Variants in NAALADL2 observed in about 807,000 individuals in gnomAD.
NAALADL2 encodes the protein N-acetylated alpha-linked acidic dipeptidase like 2.
In NAALADL2, 76 loss-of-function variants were observed where a neutral mutation model predicts 87.2. That is an observed-to-expected ratio of 0.87 (90% CI 0.72 to 1.05). The LOEUF (loss-of-function observed/expected upper bound fraction) is 1.05. Among genes scored for constraint, NAALADL2 ranks in the 50% least tolerant of loss-of-function variants. The probability of loss-of-function intolerance (pLI) is 0.00; values close to 1 mark genes in which losing one functional copy is unlikely to be tolerated. For synonymous variants in NAALADL2, 354 were observed against 331.0 expected (o/e 1.07, Z -0.75); for missense variants, 1,089 against 945.8 (o/e 1.15, Z -1.99).
chr3:175,531,431 A>G (rs374294252), intron 9 of NAALADL2, among the ~76,000 whole-genome samples: 5 of 152,324 alleles, frequency 3.3e-5, no homozygotes, highest in African/African-American at 1.2e-4. Flanking sequence ...CCTCTGGCAC[A>G]CAGATGTCTC....
At chr3:175,053,892 C>T (rs1711528693) in intron 1 of NAALADL2, among the ~76,000 whole-genome samples, 1 of 152,186 alleles carries the variant, frequency 6.6e-6, no homozygotes, top group African/African-American at 2.4e-5. Context: ...TTAGATATTG[C>T]ATTAGCAACT....
At chr3:175,251,102 C>A (rs1748985679) in intron 3 of NAALADL2, among the ~76,000 whole-genome samples, 1 of 152,090 alleles carries the variant, frequency 6.6e-6, no homozygotes, top group Admixed American at 6.5e-5. Flanking sequence ...AAATTAAAAA[C>A]CATAGAACCA....
At chr3:175,090,566 A>ATTT (rs5854608) in intron 1 of NAALADL2, among the ~76,000 whole-genome samples, 92 of 145,438 alleles carry the variant, frequency 6.3e-4, no homozygotes, top group East Asian at 5.5e-3. Flanking sequence ...TTCACCAATG[A>ATTT]TTTTTTTTTT....
chr3:175,577,741 T>C (rs1035231432), intron 10 of NAALADL2, among the ~76,000 whole-genome samples: 7 of 152,218 alleles, frequency 4.6e-5, no homozygotes, highest in Non-Finnish European at 1.5e-5. Context: ...TTGATATTGC[T>C]TTAGTGGGAG....
intron 2 of NAALADL2, among the ~76,000 whole-genome samples, chr3:175,205,000 A>G (rs1213813098): frequency 1.3e-5 from 2 of 152,184 alleles, no homozygotes; most frequent in Non-Finnish European, 2.9e-5. Context: ...TAGATGGAGA[A>G]TCAATATTGT....
intron 1 of NAALADL2, among the ~76,000 whole-genome samples, chr3:174,908,371 G>A (rs1008669922): frequency 6.6e-6 from 1 of 151,958 alleles, no homozygotes; most frequent in African/African-American, 2.4e-5. Flanking sequence ...AATCAAGCAC[G>A]CCAGATGGAA....
chr3:175,621,696 A>G (rs1726253739), intron 10 of NAALADL2, among the ~76,000 whole-genome samples: 1 of 152,246 alleles, frequency 6.6e-6, no homozygotes, highest in Non-Finnish European at 1.5e-5. Context: ...AACTATTTAC[A>G]TAGTATTTAC....
chr3:175,807,404 A>T lies in NAALADL2; in HGVS notation c.*4201A>T, dbSNP rs1296743303. The T allele has an allele frequency of 1.3e-5, 2 of 151,888 alleles. No individual in the cohort carries two copies. The highest frequency in any genetic ancestry group is 1.3e-4 in the Admixed American group (2 of 15,192). The allele number at this position is 151,888 out of a possible 1,614,324, so 9.4% of individuals were successfully genotyped here. A position where few individuals can be genotyped will look rare whatever the true frequency, so the allele number is the denominator to read the frequency against. ...TTGCCTCAAATGAAAATCTATAATT[A>T]TTTGTATGATAAATTGGTAGACCTA... On this transcript the variant is annotated 3_prime_UTR_variant, in exon 14 of 14. Transcript: ENST00000454872.
intron 1 of NAALADL2, among the ~76,000 whole-genome samples, chr3:174,960,523 T>C (rs1340644707): frequency 6.6e-6 from 1 of 152,030 alleles, no homozygotes; most frequent in African/African-American, 2.4e-5. Flanking sequence ...TCTAGAATTA[T>C]TACCCTACTA....
intron 1 of NAALADL2, among the ~76,000 whole-genome samples, chr3:174,978,532 A>T (rs1229558260): frequency 6.6e-6 from 1 of 152,204 alleles, no homozygotes; most frequent in East Asian, 1.9e-4. Flanking sequence ...CACTCTATAG[A>T]TATACTTGGT....
intron 1 of NAALADL2, among the ~76,000 whole-genome samples, chr3:174,965,980 G>A (rs1383902702): frequency 6.6e-6 from 1 of 152,128 alleles, no homozygotes; most frequent in Non-Finnish European, 1.5e-5. Context: ...TGGAAGTTAA[G>A]TAGGATTGTC....
At chr3:175,467,214 C>A in intron 8 of NAALADL2, 30 bp downstream of exon 8, 1 of 1,555,900 alleles carries the variant, frequency 6.4e-7, no homozygotes, top group Non-Finnish European at 8.8e-7. Context: ...AATTACAGTG[C>A]TTTTCTTTTC....
intron 5 of NAALADL2, among the ~76,000 whole-genome samples, chr3:175,352,237 C>T (rs1002224868): frequency 1.7e-4 from 25 of 151,064 alleles, no homozygotes; most frequent in African/African-American, 5.8e-4. Context: ...GTGGTTTAAA[C>T]TTTCATTGGC....
intron 5 of NAALADL2, among the ~76,000 whole-genome samples, chr3:175,361,711 G>C (rs1173999010): frequency 6.7e-6 from 1 of 148,160 alleles, no homozygotes. Flanking sequence ...TTTTGATGGG[G>C]TTGTTTGATT....
intron 1 of NAALADL2, among the ~76,000 whole-genome samples, chr3:174,922,900 TA>T (rs1735443627): frequency 6.6e-6 from 1 of 152,202 alleles, no homozygotes; most frequent in African/African-American, 2.4e-5. Context: ...CTGGTGGTAT[TA>T]ACCTGATCAC....
intron 1 of NAALADL2, among the ~76,000 whole-genome samples, chr3:174,494,117 C>T (rs1452405530): frequency 6.6e-6 from 1 of 152,072 alleles, no homozygotes; most frequent in East Asian, 1.9e-4. Flanking sequence ...ATAATAAAAT[C>T]AGGTTGCACT....
rs142334653 is a variant in NAALADL2, at chr3:174,687,022, G to T, written c.-114-50619G>T. 2.3e-3 allele frequency among the ~76,000 whole-genome samples: 349 copies of T among 152,030 alleles called. 1 individual carries two copies. Among genetic ancestry groups the T allele is most frequent in the Middle Eastern group, 0.017 (5 of 294 alleles). On this transcript the variant is annotated intron_variant, in intron 2 of 3. Transcript: ENST00000434257. Reference sequence around the variant, plus strand: ...TCATGTCACCTTTCTGCCCCAGTCTGTCTTATGGCTTCCAATCCCACCCAG... The same window carrying T: ...TCATGTCACCTTTCTGCCCCAGTCTTTCTTATGGCTTCCAATCCCACCCAG...
intron 1 of NAALADL2, chr3:174,458,738 G>A (rs965197252): frequency 6.6e-6 from 1 of 152,132 alleles, no homozygotes; most frequent in African/African-American, 2.4e-5. Flanking sequence ...ATCTAATACT[G>A]TTACACTTTT....
At chr3:175,310,953 G>A (rs913077394) in intron 4 of NAALADL2, among the ~76,000 whole-genome samples, 7 of 151,776 alleles carry the variant, frequency 4.6e-5, no homozygotes, top group Non-Finnish European at 1.0e-4. Flanking sequence ...AGTGCATGCA[G>A]TTGATAATAT....
Sources: allele counts gnomAD v4.1 joint callset (sites outside exome capture counted in the v4.1 genomes callset), GRCh38; gene constraint gnomAD v4.1.1; transcripts MANE v1.5; gene names NCBI Gene and HGNC (gene_info 2026-07-23, HGNC 2026-07-21).